LLGL2: variants seen among roughly 807,000 people sequenced by gnomAD.
LLGL2 encodes the protein LLGL2, scribble cell polarity complex component.
LLGL2 carries 81 observed loss-of-function variants against 123.2 expected under a neutral mutation model. The ratio of observed to expected loss-of-function variants is 0.66; its 90% CI spans 0.55 to 0.79. The LOEUF (loss-of-function observed/expected upper bound fraction) is 0.79. Among genes scored for constraint, LLGL2 ranks in the 30% least tolerant of loss-of-function variants. LLGL2 has a pLI of 0.00. For missense variants in LLGL2, 1,273 were observed against 1,414.6 expected (o/e 0.90, Z 1.61); for synonymous variants, 577 against 594.1 (o/e 0.97, Z 0.42).
intron 17 of LLGL2, 75 bp from the exon 18 acceptor site, chr17:75,571,592 G>A: frequency 9.1e-7 from 1 of 1,100,076 alleles, no homozygotes; most frequent in Non-Finnish European, 1.4e-6. Flanking sequence ...GAAAACCTGG[G>A]AGTAAACCCT....
chr17:75,568,933 C>T (rs371263513), intron 12 of LLGL2, 45 bp from the exon 13 acceptor site: 423 of 1,587,218 alleles, frequency 2.7e-4, no homozygotes, highest in Non-Finnish European at 3.1e-4. Context: ...CTGGGCATCC[C>T]GGCTGGCATC....
intron 1 of LLGL2, among the ~76,000 whole-genome samples, chr17:75,529,235 C>T (rs995882189): frequency 6.6e-6 from 1 of 151,814 alleles, no homozygotes; most frequent in East Asian, 2.0e-4. Context: ...TCTCCTCTGT[C>T]GCCCAGGATG....
intron 20 of LLGL2, 23 bp downstream of exon 20, chr17:75,573,301 G>C (rs1169273938): frequency 1.3e-6 from 2 of 1,581,854 alleles, no homozygotes; most frequent in Admixed American, 1.7e-5. Flanking sequence ...GGCTGGGTGG[G>C]TGTCGGGGCC....
intron 10 of LLGL2, among the ~76,000 whole-genome samples, chr17:75,567,094 T>TG (rs1367332829): frequency 6.6e-6 from 1 of 152,116 alleles, no homozygotes. Context: ...TGAAGTTTGG[T>TG]GGGGATCTGG....
chr17:75,569,182 G>A (rs1397370235), intron 13 of LLGL2, 39 bp from the exon 14 acceptor site: 1 of 1,612,358 alleles, frequency 6.2e-7, no homozygotes, highest in Non-Finnish European at 8.5e-7. Context: ...GCTGGGTCCT[G>A]TCCCCGTGGC....
rs1226908652 is a variant in LLGL2 at position 75,558,496 on chromosome 17, CGT to C, written c.256-12_256-11del. ...GGGTAGCAAGACCACATGATCCCGT[CGT>C]GTGCCCTCGCCAGTGCCAGCTGGTC... is the stretch of plus-strand genomic sequence containing the variant. On this transcript the variant is annotated splice_polypyrimidine_tract_variant and intron_variant, in intron 4 of 25. Transcript: ENST00000392550. This position sits in a 1 kb window ranked among gnomAD's most constrained non-coding sequence, Gnocchi z 4.0. The C allele has an allele frequency of 6.4e-7, 1 of 1,563,906 alleles. No homozygotes were observed. Among genetic ancestry groups the C allele is most frequent in the Non-Finnish European group, 8.7e-7 (1 of 1,153,328 alleles).
Position 75,543,382 on chromosome 17 carries a change from C to T in LLGL2, c.-30-15C>T. 6.4e-7 allele frequency: 1 copy of T among 1,572,260 alleles called. No individual in the cohort carries two copies. On this transcript the variant is annotated splice_polypyrimidine_tract_variant and intron_variant, in intron 1 of 25. Transcript: ENST00000392550. Reference sequence around the variant, plus strand: ...GTGCCAGGACAGACCCCTGCAGCTCCTTCTGTTTCTCCAGGTCTCCAGTGG... The same window carrying T: ...GTGCCAGGACAGACCCCTGCAGCTCTTTCTGTTTCTCCAGGTCTCCAGTGG...
chr17:75,535,466 G>C (rs1598513001), intron 1 of LLGL2, among the ~76,000 whole-genome samples: 1 of 152,220 alleles, frequency 6.6e-6, no homozygotes, highest in Admixed American at 6.5e-5. Context: ...GCAGATCAAT[G>C]AGATCAATGG....
At chr17:75,573,677 C>A (rs758319088) in intron 21 of LLGL2, 46 bp downstream of exon 21, 3 of 1,472,118 alleles carry the variant, frequency 2.0e-6, no homozygotes, top group Admixed American at 2.0e-5. Flanking sequence ...CCGCCCCTCC[C>A]TGCCCTCTCT....
chr17:75,556,702 T>C (rs2054928962), intron 3 of LLGL2, among the ~76,000 whole-genome samples: 1 of 152,164 alleles, frequency 6.6e-6, no homozygotes, highest in Non-Finnish European at 1.5e-5. Flanking sequence ...GCTCCCCACC[T>C]CACCACCAGA....
At chr17:75,557,034 CTTTTTTT>C (rs55649536) in intron 3 of LLGL2, among the ~76,000 whole-genome samples, 11 of 109,888 alleles carry the variant, frequency 1.0e-4, no homozygotes, top group African/African-American at 4.7e-4. Context: ...GTCTCAAAAA[CTTTTTTT>C]TTTTTTTTTT....
At chr17:75,560,826 A>AG (rs1303989828) in intron 6 of LLGL2, among the ~76,000 whole-genome samples, 1 of 98,030 alleles carries the variant, frequency 1.0e-5, no homozygotes, top group African/African-American at 6.0e-5. Flanking sequence ...AAAAAAAAAA[A>AG]AAAAAACAAA....
chr17:75,573,656 T>TGCCCCCCCCCCC, intron 21 of LLGL2, 25 bp downstream of exon 21: 18 of 1,429,104 alleles, frequency 1.3e-5, no homozygotes, highest in African/African-American at 1.8e-5. Context: ...CAGAGGCCTC[T>TGCCCCCCCCCCC]CCCGCCCCTC....
chr17:75,562,991 G>A, intron 6 of LLGL2, 25 bp from the exon 7 acceptor site: 1 of 1,608,264 alleles, frequency 6.2e-7, no homozygotes, highest in Non-Finnish European at 8.5e-7. Flanking sequence ...CGGCATCGGA[G>A]GCTCACGGCA....
At chr17:75,554,485 T>G (rs534821502) in intron 2 of LLGL2, among the ~76,000 whole-genome samples, 1 of 151,490 alleles carries the variant, frequency 6.6e-6, no homozygotes, top group African/African-American at 2.4e-5. Flanking sequence ...GCAGGTGTGG[T>G]GGTGCATGCC....
At chr17:75,563,560 G>C in intron 8 of LLGL2, 97 bp downstream of exon 8, 1 of 1,555,708 alleles carries the variant, frequency 6.4e-7, no homozygotes, top group Non-Finnish European at 8.8e-7. Context: ...GGCCAGAGAG[G>C]GTAAAGGCTT....
Position 75,574,911 on chromosome 17 carries a change from A to G in LLGL2, c.*33A>G. 6.2e-7 allele frequency: 1 copy of G among 1,613,888 alleles called. No individual in the cohort carries two copies. Among genetic ancestry groups the G allele is most frequent in the South Asian group, 1.1e-5 (1 of 91,086 alleles). Reference sequence around the variant, plus strand: ...AGCGTCCAGGCTGCGCGATGAGCACACACTACTACTGATGGCCTTTCGGGG... The same window carrying G: ...AGCGTCCAGGCTGCGCGATGAGCACGCACTACTACTGATGGCCTTTCGGGG... On this transcript the variant is annotated 3_prime_UTR_variant, in exon 26 of 26. Coordinates refer to ENST00000392550, the MANE Select transcript of LLGL2 (RefSeq NM_001031803.2).
At position 75,571,091 on chromosome 17, in the gene LLGL2, C is replaced by G; in HGVS notation, c.2167C>G (p.Leu723Val). 1 of 1,610,870 alleles carries G rather than the reference C, an allele frequency of 6.2e-7. No homozygotes were observed. Among genetic ancestry groups the G allele is most frequent in the Non-Finnish European group, 8.5e-7 (1 of 1,178,692 alleles). The change falls in exon 17 of 26, where the codon CTG (leucine) becomes GTG (valine). Residue 723 changes from leucine to valine, a missense_variant. Physicochemically the swap from Leu to Val is conservative, Grantham distance 32. Coordinates refer to ENST00000392550, the MANE Select transcript of LLGL2 (RefSeq NM_001031803.2). ...GACCCTGTACTTTGCTGACACCTAC[C>G]TGAAGGACAGTGAGTGGCCAGCCTG... ...VRTLYFADTY[L>V]KDSSRHCPSL...
At chr17:75,573,894 T>C (rs2055848938) in intron 21 of LLGL2, 58 bp from the exon 22 acceptor site, 3 of 1,536,330 alleles carry the variant, frequency 2.0e-6, no homozygotes, top group Admixed American at 3.9e-5. Context: ...GGACCAGGGC[T>C]CTCAGAGCCG....
Sources: allele counts gnomAD v4.1 joint callset (sites outside exome capture counted in the v4.1 genomes callset), GRCh38; gene constraint gnomAD v4.1.1; non-coding constraint Gnocchi (gnomAD v3.1); transcripts MANE v1.5; gene names NCBI Gene and HGNC (gene_info 2026-07-23, HGNC 2026-07-21).